Variants in GRIN2B observed in about 807,000 individuals in gnomAD.
The protein encoded by GRIN2B is glutamate ionotropic receptor NMDA type subunit 2B.
In GRIN2B, 5 loss-of-function variants were observed where a neutral mutation model predicts 114.5. The observed-to-expected ratio is 0.04, with a 90% CI of 0.02 to 0.09. The LOEUF (loss-of-function observed/expected upper bound fraction) is 0.09, where lower values mean the gene tolerates loss of function less well. Among genes scored for constraint, GRIN2B ranks in the 10% least tolerant of loss-of-function variants. GRIN2B has a pLI of 1.00. For missense variants in GRIN2B, 1,108 were observed against 1,943.5 expected (o/e 0.57, Z 8.08); for synonymous variants, 787 against 745.1 (o/e 1.06, Z -0.92).
Position 13,898,851 on chromosome 12 carries a change from C to T in GRIN2B, c.-18-32625G>A, listed in dbSNP as rs537910179. Among the ~76,000 whole-genome samples, 12 of 152,338 alleles carry T rather than the reference C, an allele frequency of 7.9e-5. No individual in the cohort carries two copies. The South Asian group carries it at 2.5e-3, about 32-fold the overall frequency. Reference sequence around the variant, plus strand: ...GCTTGAACCCAGGAGGCGGAGGTTGCAGTGAGCCGAGATTGTGCCATTGCA... The same window carrying T: ...GCTTGAACCCAGGAGGCGGAGGTTGTAGTGAGCCGAGATTGTGCCATTGCA... On this transcript the variant is annotated intron_variant, in intron 2 of 13. Transcript: ENST00000609686.
chr12:13,616,819 C>T (rs759476930), intron 5 of GRIN2B, among the ~76,000 whole-genome samples, 162 bp from the exon 6 acceptor site: 1 of 152,150 alleles, frequency 6.6e-6, no homozygotes, highest in Non-Finnish European at 1.5e-5. Context: ...ATCATGTGCC[C>T]CAAATGAGAC....
chr12:13,807,638 C>A (rs1277217053), intron 3 of GRIN2B, among the ~76,000 whole-genome samples: 1 of 149,526 alleles, frequency 6.7e-6, no homozygotes, highest in African/African-American at 2.5e-5. Flanking sequence ...CGTCCCTGTT[C>A]TGCAGAACAG....
intron 5 of GRIN2B, among the ~76,000 whole-genome samples, chr12:13,674,933 A>G (rs190638914): frequency 4.8e-4 from 73 of 152,214 alleles, no homozygotes; most frequent in Middle Eastern, 6.8e-3. Context: ...CTGTAAAGCT[A>G]TTTTTCAGCA....
intron 10 of GRIN2B, among the ~76,000 whole-genome samples, chr12:13,604,939 C>T (rs2136461000): frequency 6.6e-6 from 1 of 151,372 alleles, no homozygotes; most frequent in South Asian, 2.1e-4. Context: ...ATCAGAAAAC[C>T]ATTTACAAAG....
chr12:13,946,465 T>C (rs1297695762), intron 2 of GRIN2B, among the ~76,000 whole-genome samples: 1 of 152,168 alleles, frequency 6.6e-6, no homozygotes, highest in East Asian at 1.9e-4. Flanking sequence ...CCCACAAAAT[T>C]TTATTGTAAT....
At chr12:13,922,337 A>G (rs1485607005) in intron 2 of GRIN2B, among the ~76,000 whole-genome samples, 2 of 152,156 alleles carry the variant, frequency 1.3e-5, no homozygotes. Flanking sequence ...CGCTTCCACA[A>G]TGGAAGGTGG....
intron 10 of GRIN2B, among the ~76,000 whole-genome samples, chr12:13,583,274 T>G (rs1948876424): frequency 6.6e-6 from 1 of 152,238 alleles, no homozygotes; most frequent in Admixed American, 6.5e-5. Flanking sequence ...CAGCAGCAGC[T>G]AATGCTTCTA....
intron 4 of GRIN2B, among the ~76,000 whole-genome samples, chr12:13,701,196 T>G (rs902718666): frequency 1.3e-5 from 2 of 152,134 alleles, no homozygotes; most frequent in Non-Finnish European, 2.9e-5. Context: ...TACCTCCACC[T>G]GGCCTCTCCC....
At chr12:13,844,366 G>A (rs1295365080) in intron 3 of GRIN2B, among the ~76,000 whole-genome samples, 1 of 151,858 alleles carries the variant, frequency 6.6e-6, no homozygotes, top group Non-Finnish European at 1.5e-5. Context: ...CAATGTCTAG[G>A]CCCTTAAGCA....
intron 2 of GRIN2B, among the ~76,000 whole-genome samples, chr12:13,868,062 G>A (rs1419140752): frequency 6.6e-6 from 1 of 152,136 alleles, no homozygotes; most frequent in Middle Eastern, 3.2e-3. Flanking sequence ...ACATTTTGTG[G>A]CTGAAGAAGC....
At chr12:13,631,575 C>T (rs1391185537) in intron 5 of GRIN2B, among the ~76,000 whole-genome samples, 1 of 152,102 alleles carries the variant, frequency 6.6e-6, no homozygotes. Flanking sequence ...AAATGATGTG[C>T]CAGACACTGG....
intron 4 of GRIN2B, among the ~76,000 whole-genome samples, chr12:13,734,096 G>GA (rs1362142810): frequency 4.6e-5 from 7 of 152,180 alleles, no homozygotes. Context: ...GATATCTAGG[G>GA]ATGATAATTT....
chr12:13,553,508 T>C lies in GRIN2B; in HGVS notation c.*9275A>G, dbSNP rs1371433540. ...AGCCAAAGAACTCAGGAAAGAAATA[T>C]AAAGACAAGGTGGTGACCAGCACAG... On this transcript the variant is annotated 3_prime_UTR_variant, in exon 14 of 14. Transcript: ENST00000609686. The C allele has an allele frequency of 1.3e-5, 2 of 152,084 alleles. No individual in the cohort carries two copies. The highest frequency in any genetic ancestry group is 6.5e-5 in the Admixed American group (1 of 15,274). The allele number at this position is 152,084 out of a possible 1,614,324, so 9.4% of individuals were successfully genotyped here.
intron 2 of GRIN2B, among the ~76,000 whole-genome samples, chr12:13,965,837 GC>G (rs1471769089): frequency 1.3e-5 from 2 of 152,154 alleles, no homozygotes; most frequent in African/African-American, 4.8e-5. Context: ...TAAATCTTTT[GC>G]ATGATATGTC....
intron 3 of GRIN2B, among the ~76,000 whole-genome samples, chr12:13,775,665 T>C (rs1217707885): frequency 6.6e-6 from 1 of 152,212 alleles, no homozygotes; most frequent in Non-Finnish European, 1.5e-5. Flanking sequence ...AAATGCATCA[T>C]TTCCCACTCT....
chr12:13,946,199 T>C (rs1867359834), intron 2 of GRIN2B, among the ~76,000 whole-genome samples: 1 of 152,160 alleles, frequency 6.6e-6, no homozygotes, highest in African/African-American at 2.4e-5. Context: ...AAAATTTGTT[T>C]TAAGCTGATA....
chr12:13,539,780 G>A lies in GRIN2B; in HGVS notation c.*23003C>T, dbSNP rs1379954456. On this transcript the variant is annotated 3_prime_UTR_variant, in exon 14 of 14. Coordinates refer to ENST00000609686, the MANE Select transcript of GRIN2B (RefSeq NM_000834.5). ...AAATCTTTAGATTTAAAATACATTT[G>A]AGAAATAGCAACTAATTGTATGGAC... The A allele has an allele frequency of 6.6e-6, 1 of 152,058 alleles. No individual in the cohort carries two copies. Among genetic ancestry groups the A allele is most frequent in the Non-Finnish European group, 1.5e-5 (1 of 68,018 alleles). The allele number at this position is 152,058 out of a possible 1,614,324, so 9.4% of individuals were successfully genotyped here. A position where few individuals can be genotyped will look rare whatever the true frequency, so the allele number is the denominator to read the frequency against.
At chr12:13,747,872 C>T (rs1863413854) in intron 4 of GRIN2B, among the ~76,000 whole-genome samples, 2 of 152,182 alleles carry the variant, frequency 1.3e-5, no homozygotes, top group Admixed American at 6.5e-5. Context: ...CTCAATTCCT[C>T]ATTTATTTTT....
intron 10 of GRIN2B, among the ~76,000 whole-genome samples, chr12:13,607,799 C>T (rs1464056186): frequency 6.6e-6 from 1 of 151,826 alleles, no homozygotes; most frequent in Non-Finnish European, 1.5e-5. Context: ...GTTGTAAGCG[C>T]AAGTCTCCAA....
Sources: gnomAD v4.1 joint callset for allele counts (sites outside exome capture counted in the v4.1 genomes callset) on GRCh38, gnomAD v4.1.1 for gene constraint, MANE v1.5 for transcripts, NCBI Gene and HGNC (gene_info 2026-07-23, HGNC 2026-07-21) for gene names.